The following COA1 variants were observed in gnomAD, a reference collection of about 807,000 sequenced individuals.
COA1 encodes cytochrome c oxidase assembly factor 1, also known as cytochrome c oxidase assembly factor 1 homolog.
COA1 carries 13 observed loss-of-function variants against 16.0 expected under a neutral mutation model. The ratio of observed to expected loss-of-function variants is 0.81; its 90% CI spans 0.53 to 1.29. The LOEUF (loss-of-function observed/expected upper bound fraction) is 1.29, where lower values mean the gene tolerates loss of function less well. Among genes scored for constraint, COA1 ranks in the 50% most tolerant of loss-of-function variants. The probability of loss-of-function intolerance (pLI) is 0.00; values close to 1 mark genes in which losing one functional copy is unlikely to be tolerated. For missense variants in COA1, 179 were observed against 177.0 expected (o/e 1.01, Z -0.06); for synonymous variants, 65 against 65.7 (o/e 0.99, Z 0.05).
chr7:43,702,617 T>C (rs2094794940), intron 1 of COA1, among the ~76,000 whole-genome samples: 1 of 152,192 alleles, frequency 6.6e-6, no homozygotes, highest in Admixed American at 6.5e-5. Context: ...CAGAAATTTA[T>C]CCATTTATTC....
At chr7:43,647,902 G>A (rs1174147989) in intron 2 of COA1, 16 of 430,434 alleles carry the variant, frequency 3.7e-5, no homozygotes, top group Non-Finnish European at 5.4e-5. Flanking sequence ...AGCACAGAGC[G>A]AGCATTCAGC....
intron 6 of COA1, among the ~76,000 whole-genome samples, chr7:43,614,512 C>T (rs1337638104): frequency 6.6e-6 from 1 of 152,148 alleles, no homozygotes; most frequent in Non-Finnish European, 1.5e-5. Flanking sequence ...ATATATTTCA[C>T]CATCGAAGAA....
At chr7:43,673,012 C>G (rs2093347296) in intron 1 of COA1, among the ~76,000 whole-genome samples, 1 of 152,114 alleles carries the variant, frequency 6.6e-6, no homozygotes, top group Admixed American at 6.5e-5. Flanking sequence ...ATACAAAAAT[C>G]AACTCAAGAT....
intron 1 of COA1, among the ~76,000 whole-genome samples, chr7:43,689,420 G>A (rs1215375709): frequency 2.0e-5 from 3 of 152,146 alleles, no homozygotes; most frequent in Admixed American, 1.3e-4. Flanking sequence ...GTCTCACAGG[G>A]CAGGAAATCA....
At chr7:43,612,188 G>A (rs368920506) in intron 6 of COA1, among the ~76,000 whole-genome samples, 3 of 152,116 alleles carry the variant, frequency 2.0e-5, no homozygotes, top group Non-Finnish European at 2.9e-5. Flanking sequence ...ATGTTTCCTC[G>A]ACCCAGAGGA....
intron 1 of COA1, among the ~76,000 whole-genome samples, chr7:43,691,260 G>GAAAGAAAAGAAAAGAAAGA: frequency 3.0e-5 from 1 of 33,370 alleles, no homozygotes; most frequent in East Asian, 6.4e-4. Context: ...AAAAAAGAAA[G>GAAAGAAAAGAAAAGAAAGA]AAAGAAAAGA....
chr7:43,611,647 C>T (rs570537720), intron 6 of COA1, among the ~76,000 whole-genome samples: 4 of 152,162 alleles, frequency 2.6e-5, no homozygotes, highest in South Asian at 2.1e-4. Context: ...ATATGGCCTC[C>T]GCAGTACGGA....
chr7:43,619,208 G>A (rs4077510), intron 6 of COA1, among the ~76,000 whole-genome samples: 50,972 of 151,856 alleles, frequency 0.34, 9,644 homozygotes, highest in Non-Finnish European at 0.44. Context: ...CAAGGGGTCA[G>A]AAGAGATTTA....
chr7:43,698,556 A>G (rs2094599823), intron 1 of COA1, among the ~76,000 whole-genome samples: 1 of 152,240 alleles, frequency 6.6e-6, no homozygotes, highest in African/African-American at 2.4e-5. Flanking sequence ...ACAAAAGGCA[A>G]TGCAAAGCCT....
intron 6 of COA1, among the ~76,000 whole-genome samples, chr7:43,615,330 C>T (rs1156925726): frequency 6.6e-6 from 1 of 151,920 alleles, no homozygotes; most frequent in Admixed American, 6.5e-5. Flanking sequence ...TGTACACCAC[C>T]ATGCCTGGCT....
At chr7:43,666,662 G>A (rs1343957018) in intron 1 of COA1, among the ~76,000 whole-genome samples, 2 of 152,190 alleles carry the variant, frequency 1.3e-5, no homozygotes, top group Non-Finnish European at 2.9e-5. Flanking sequence ...ATACAACTTA[G>A]ATACTAGGTT....
intron 6 of COA1, among the ~76,000 whole-genome samples, chr7:43,629,006 G>A (rs2084908372): frequency 6.6e-6 from 1 of 152,160 alleles, no homozygotes; most frequent in South Asian, 2.1e-4. Flanking sequence ...TCAGGTCTGT[G>A]ATTCACCTTG....
chr7:43,652,789 G>GA (rs908548240), intron 1 of COA1, among the ~76,000 whole-genome samples: 1 of 141,136 alleles, frequency 7.1e-6, no homozygotes, highest in African/African-American at 2.6e-5. Context: ...CCCTATTGTT[G>GA]AATGGGCATG....
At chr7:43,724,910 A>T (rs1310180973) in intron 1 of COA1, among the ~76,000 whole-genome samples, 1 of 152,216 alleles carries the variant, frequency 6.6e-6, no homozygotes, top group African/African-American at 2.4e-5. Context: ...GGAGGAACGG[A>T]GATTTATCAT....
chr7:43,718,972 CAT>C (rs1491359884), intron 1 of COA1, among the ~76,000 whole-genome samples: 61 of 85,350 alleles, frequency 7.1e-4, no homozygotes, highest in African/African-American at 2.4e-3. Flanking sequence ...CAGGAATCTA[CAT>C]TTTTTTTTTT....
At chr7:43,725,874 T>TTA (rs960210675) in intron 1 of COA1, among the ~76,000 whole-genome samples, 4 of 149,824 alleles carry the variant, frequency 2.7e-5, no homozygotes, top group African/African-American at 4.9e-5. Flanking sequence ...AATATATATA[T>TTA]TATATATATA....
chr7:43,698,213 G>C (rs904637660), intron 1 of COA1, among the ~76,000 whole-genome samples: 1 of 152,212 alleles, frequency 6.6e-6, no homozygotes, highest in African/African-American at 2.4e-5. Flanking sequence ...CAAACGTTTA[G>C]CCAGTAGGTA....
At chr7:43,620,673 C>A (rs370421182) in intron 6 of COA1, among the ~76,000 whole-genome samples, 468 of 130,992 alleles carry the variant, frequency 3.6e-3, no homozygotes, top group Non-Finnish European at 4.0e-3. Flanking sequence ...GACTCCGTCT[C>A]AAAAAAAAAA....
chr7:43,673,878 T>G lies in COA1; in HGVS notation c.-38-25226A>C, dbSNP rs528316217. On this transcript the variant is annotated intron_variant, in intron 1 of 5. Transcript: ENST00000223336. ...TGGACCTGGAGGCCATTATCCTAAG[T>G]GAATTAACACAGGAACAGGAAACCA... Among the ~76,000 whole-genome samples the G allele has an allele frequency of 2.6e-3, 391 of 152,174 alleles. 3 individuals are homozygous for G. Among genetic ancestry groups the G allele is most frequent in the Non-Finnish European group, 3.4e-3 (232 of 67,990 alleles).
Sources: gnomAD v4.1 joint callset for allele counts (sites outside exome capture counted in the v4.1 genomes callset) on GRCh38, gnomAD v4.1.1 for gene constraint, MANE v1.5 for transcripts, NCBI Gene and HGNC (gene_info 2026-07-23, HGNC 2026-07-21) for gene names.